Variants in FAAH2 observed in about 807,000 individuals in gnomAD.
FAAH2 encodes the protein fatty acid amide hydrolase 2.
A neutral mutation model predicts 36.9 loss-of-function variants in FAAH2; 60 were observed. The ratio of observed to expected loss-of-function variants is 1.63; its 90% confidence interval spans 1.32 to 2.02. FAAH2 has a LOEUF of 2.02. FAAH2 is among the 30% of genes most tolerant of loss of function. The pLI, the probability that FAAH2 is intolerant of heterozygous loss-of-function variation, is 0.00. For synonymous variants in FAAH2, 214 were observed against 143.8 expected (o/e 1.49, Z -3.49); for missense variants, 689 against 397.5 (o/e 1.73, Z -6.23).
At chrX:57,400,441 A>G (rs190964796) in intron 7 of FAAH2, among the ~76,000 whole-genome samples, 19 of 112,464 alleles carry the variant, frequency 1.7e-4, no homozygotes, top group Admixed American at 1.7e-3. Context: ...TGTGACATAT[A>G]AAGAAAAGTC....
the FAAH2 span, among the ~76,000 whole-genome samples, chrX:57,150,625 C>T: frequency 8.9e-6 from 1 of 111,886 alleles, no homozygotes; most frequent in African/African-American, 3.3e-5. Flanking sequence ...AGATCTTCCT[C>T]CATCCCTTTA....
At chrX:57,306,470 A>G (rs952535853) in intron 2 of FAAH2, among the ~76,000 whole-genome samples, 1 of 110,368 alleles carries the variant, frequency 9.1e-6, no homozygotes, top group African/African-American at 3.3e-5. Flanking sequence ...TTGACAAATT[A>G]TGAGACATTT....
chrX:57,248,525 G>A, the FAAH2 span, among the ~76,000 whole-genome samples: 5 of 110,208 alleles, frequency 4.5e-5, no homozygotes, highest in Admixed American at 2.9e-4. Flanking sequence ...AGGCGGAGGC[G>A]GGTGGATCAC....
intron 5 of FAAH2, among the ~76,000 whole-genome samples, chrX:57,355,410 C>T (rs2054134661): frequency 9.0e-6 from 1 of 110,820 alleles, no homozygotes; most frequent in Non-Finnish European, 1.9e-5. Context: ...AAACACATTT[C>T]TAAGGGAAGA....
chrX:57,358,871 T>C (rs748998369), intron 5 of FAAH2, among the ~76,000 whole-genome samples: 5 of 111,192 alleles, frequency 4.5e-5, no homozygotes, highest in Non-Finnish European at 9.5e-5. Flanking sequence ...TCTACATCCT[T>C]GTCAGCACTT....
intron 7 of FAAH2, among the ~76,000 whole-genome samples, chrX:57,429,955 T>C (rs888214640): frequency 4.5e-5 from 5 of 111,362 alleles, no homozygotes; most frequent in African/African-American, 1.3e-4. Flanking sequence ...ACCACATATT[T>C]TCACTTATAA....
At chrX:57,290,299 A>G (rs2051938565) in intron 1 of FAAH2, 1 of 746,697 alleles carries the variant, frequency 1.3e-6, no homozygotes, top group Admixed American at 9.3e-5. Flanking sequence ...TGGAGTGACC[A>G]GGTACTAGAC....
chrX:57,210,810 C>T, the FAAH2 span, among the ~76,000 whole-genome samples: 1 of 112,674 alleles, frequency 8.9e-6, no homozygotes, highest in Non-Finnish European at 1.9e-5. Context: ...AAATACAACT[C>T]TTCCCATTTT....
the FAAH2 span, among the ~76,000 whole-genome samples, chrX:57,252,749 C>A: frequency 2.7e-5 from 3 of 112,113 alleles, no homozygotes; most frequent in Admixed American, 9.4e-5. Context: ...CACCAAAACC[C>A]CATCTGTAGG....
the FAAH2 span, among the ~76,000 whole-genome samples, chrX:57,160,548 T>C: frequency 8.9e-6 from 1 of 112,284 alleles, no homozygotes; most frequent in East Asian, 2.8e-4. Flanking sequence ...GAGATTCAAC[T>C]TCTTCCTGGT....
the FAAH2 span, among the ~76,000 whole-genome samples, chrX:57,255,407 C>T: frequency 1.3e-4 from 15 of 111,998 alleles, no homozygotes; most frequent in Non-Finnish European, 2.4e-4. Context: ...AAGAGGGAAT[C>T]CTCCCTAACT....
chrX:57,319,081 A>G (rs1376530421), intron 3 of FAAH2, among the ~76,000 whole-genome samples: 2 of 111,892 alleles, frequency 1.8e-5, no homozygotes, highest in Non-Finnish European at 3.8e-5. Flanking sequence ...ATGGGCAAAA[A>G]CTGGAAGCAT....
rs754381293 is a variant in FAAH2, at chrX:57,405,272, G to A, written c.996+24243G>A. 1.4e-4 allele frequency among the ~76,000 whole-genome samples: 16 copies of A among 111,498 alleles called. No homozygotes were observed. In the Admixed American group the frequency reaches 1.5e-3, roughly 11 times the overall value. ...CACTTCAAAGATGGTGGCAAGCCTC[G>A]TGTTCTCTGACCTGGGGTTCTTGGC... On this transcript the variant is annotated intron_variant, in intron 7 of 10. Transcript: ENST00000374900.
chrX:57,461,200 A>G (rs1404090861), intron 10 of FAAH2, among the ~76,000 whole-genome samples: 1 of 111,182 alleles, frequency 9.0e-6, no homozygotes, highest in Admixed American at 9.6e-5. Flanking sequence ...CCACACAATA[A>G]TAGTGGGAGA....
chrX:57,218,380 G>A, the FAAH2 span, among the ~76,000 whole-genome samples: 2 of 111,873 alleles, frequency 1.8e-5, no homozygotes, highest in Non-Finnish European at 3.8e-5. Context: ...TCCCTTGTAT[G>A]CCAATTTTGC....
At chrX:57,423,363 C>G (rs1456490093) in intron 7 of FAAH2, among the ~76,000 whole-genome samples, 1 of 111,433 alleles carries the variant, frequency 9.0e-6, no homozygotes, top group African/African-American at 3.3e-5. Flanking sequence ...AAATTGGGAG[C>G]TCTTCCCTTG....
intron 4 of FAAH2, among the ~76,000 whole-genome samples, chrX:57,332,465 G>A (rs1202309948): frequency 1.8e-5 from 2 of 112,033 alleles, no homozygotes; most frequent in African/African-American, 3.2e-5. Context: ...AATATGCTGA[G>A]GTAACGGGAA....
At chrX:57,173,209 G>A in the FAAH2 span, among the ~76,000 whole-genome samples, 1 of 112,062 alleles carries the variant, frequency 8.9e-6, no homozygotes, top group Non-Finnish European at 1.9e-5. Context: ...CAATCAATAA[G>A]CATGGGATGC....
chrX:57,152,038 G>A, the FAAH2 span, among the ~76,000 whole-genome samples: 1 of 111,933 alleles, frequency 8.9e-6, no homozygotes, highest in Non-Finnish European at 1.9e-5. Context: ...GTTTGCCTGG[G>A]TATCAGCAGC....
Sources: allele counts gnomAD v4.1 joint callset (sites outside exome capture counted in the v4.1 genomes callset), GRCh38; gene constraint gnomAD v4.1.1; transcripts MANE v1.5; gene names NCBI Gene and HGNC (gene_info 2026-07-23, HGNC 2026-07-21).